NAA15: variants seen among roughly 807,000 people sequenced by gnomAD.
NAA15 encodes N-alpha-acetyltransferase 15, NatA auxiliary subunit.
A neutral mutation model predicts 114.0 loss-of-function variants in NAA15; 34 were observed. The ratio of observed to expected loss-of-function variants is 0.30; its 90% CI spans 0.23 to 0.40. NAA15 has a LOEUF of 0.40. Ranked by LOEUF, NAA15 falls within the 10% of genes least tolerant of loss-of-function variation. The probability of loss-of-function intolerance (pLI) is 1.00; values close to 1 mark genes in which losing one functional copy is unlikely to be tolerated. For missense variants in NAA15, 658 were observed against 1,004.5 expected (o/e 0.66, Z 4.66); for synonymous variants, 340 against 338.0 (o/e 1.01, Z -0.06).
intron 1 of NAA15, among the ~76,000 whole-genome samples, chr4:139,323,983 A>G (rs1308905525): frequency 1.3e-5 from 2 of 152,132 alleles, no homozygotes; most frequent in Admixed American, 6.5e-5. Flanking sequence ...TCCCAGATTC[A>G]TGCAATCCTC....
At chr4:139,361,636 A>C in intron 13 of NAA15, 88 bp from the exon 14 acceptor site, 1 of 774,728 alleles carries the variant, frequency 1.3e-6, no homozygotes, top group Non-Finnish European at 2.0e-6. Context: ...TTTCATGCCA[A>C]AGTAACAAGT....
At chr4:139,324,581 A>G (rs1282662058) in intron 1 of NAA15, among the ~76,000 whole-genome samples, 2 of 152,344 alleles carry the variant, frequency 1.3e-5, no homozygotes, top group South Asian at 2.1e-4. Context: ...AAAGTATACC[A>G]TATGTAGTAT....
chr4:139,369,567 G>A (rs1344866996), intron 14 of NAA15, among the ~76,000 whole-genome samples: 2 of 151,874 alleles, frequency 1.3e-5, no homozygotes, highest in African/African-American at 2.4e-5. Flanking sequence ...GTGAAACCCC[G>A]TCTCTACTAA....
intron 18 of NAA15, 78 bp from the exon 19 acceptor site, chr4:139,386,055 G>A: frequency 2.8e-6 from 2 of 718,020 alleles, no homozygotes; most frequent in Non-Finnish European, 2.4e-6. Flanking sequence ...TATCTTGTTT[G>A]CCTTTTATAT....
chr4:139,380,756 G>C (rs1392778564), intron 17 of NAA15, among the ~76,000 whole-genome samples: 4 of 152,126 alleles, frequency 2.6e-5, no homozygotes, highest in Non-Finnish European at 5.9e-5. Context: ...GTAAAGATCT[G>C]TCTCTTAAAA....
chr4:139,379,464 A>G (rs1440573259), intron 17 of NAA15: 1 of 152,246 alleles, frequency 6.6e-6, no homozygotes, highest in Non-Finnish European at 1.5e-5. Context: ...TATTCTAGGT[A>G]ACAGATAGAA....
chr4:139,335,995 G>C (rs1747189567), intron 2 of NAA15, among the ~76,000 whole-genome samples: 2 of 152,122 alleles, frequency 1.3e-5, no homozygotes, highest in Admixed American at 6.6e-5. Flanking sequence ...CTGACCTCAA[G>C]TGATCTGCCC....
At chr4:139,311,672 A>G (rs550404300) in intron 1 of NAA15, among the ~76,000 whole-genome samples, 2 of 152,102 alleles carry the variant, frequency 1.3e-5, no homozygotes, top group South Asian at 4.1e-4. Flanking sequence ...CTGCTGTATT[A>G]GAATCTTCAG....
At chr4:139,326,848 A>G (rs1334494229) in intron 1 of NAA15, among the ~76,000 whole-genome samples, 3 of 152,376 alleles carry the variant, frequency 2.0e-5, no homozygotes, top group East Asian at 3.8e-4. Flanking sequence ...AAAAGAGACT[A>G]TAAGTTAGTA....
chr4:139,385,081 T>A (rs1260085359), intron 18 of NAA15, 103 bp downstream of exon 18: 2 of 997,526 alleles, frequency 2.0e-6, no homozygotes, highest in Admixed American at 3.2e-5. Flanking sequence ...AGAGGCAGTG[T>A]GTATATGTTA....
intron 1 of NAA15, among the ~76,000 whole-genome samples, chr4:139,331,197 C>G (rs891110611): frequency 1.3e-5 from 2 of 152,050 alleles, no homozygotes; most frequent in Admixed American, 6.6e-5. Context: ...AAATAATGTT[C>G]CCTATTTTCT....
At chr4:139,356,018 T>C (rs1747938345) in intron 10 of NAA15, among the ~76,000 whole-genome samples, 1 of 152,228 alleles carries the variant, frequency 6.6e-6, no homozygotes, top group Non-Finnish European at 1.5e-5. Flanking sequence ...AAAATTTCTT[T>C]ACCAGTTTTC....
At chr4:139,324,995 C>T (rs1746745845) in intron 1 of NAA15, among the ~76,000 whole-genome samples, 1 of 152,072 alleles carries the variant, frequency 6.6e-6, no homozygotes, top group African/African-American at 2.4e-5. Flanking sequence ...TCAATAAGGA[C>T]ATAGCTGAAT....
chr4:139,363,214 C>T (rs1560975128), intron 14 of NAA15, among the ~76,000 whole-genome samples: 1 of 152,010 alleles, frequency 6.6e-6, no homozygotes, highest in Non-Finnish European at 1.5e-5. Context: ...CTTCTGCCTC[C>T]CTCCTTCTCT....
Position 139,384,892 on chromosome 4 carries a change from A to G in NAA15, c.2216A>G (p.Asn739Ser). The G allele has an allele frequency of 3.9e-6, 6 of 1,553,794 alleles. No individual in the cohort carries two copies. Among genetic ancestry groups the G allele is most frequent in the Non-Finnish European group, 4.4e-6 (5 of 1,147,800 alleles). ...TVRTVLKQEM[N>S]RLFGATNPKN... ...AGAACAGTATTAAAACAAGAAATGA[A>G]TCGTCTTTTTGGAGCAACGAATCCA... The change falls in exon 18 of 20, where the codon AAT becomes AGT. Residue 739 changes from asparagine (N) to serine (S), a missense_variant. Asn to Ser is a conservative substitution (Grantham distance 46, BLOSUM62 1). Around this residue, in one of 6 missense-constraint regions of NAA15, gnomAD observed 275 missense variants for 371.1 expected, o/e 0.74. Coordinates refer to ENST00000296543, the MANE Select transcript of NAA15 (RefSeq NM_057175.5).
intron 1 of NAA15, among the ~76,000 whole-genome samples, chr4:139,309,558 T>C (rs1365404332): frequency 6.6e-6 from 1 of 151,866 alleles, no homozygotes; most frequent in Admixed American, 6.6e-5. Flanking sequence ...TTATGGTACA[T>C]GCTACTGCGC....
At chr4:139,347,829 G>A (rs1297853123) in intron 6 of NAA15, among the ~76,000 whole-genome samples, 5 of 148,980 alleles carry the variant, frequency 3.4e-5, no homozygotes, top group African/African-American at 4.9e-5. Flanking sequence ...TCAGGAGATC[G>A]AGACCATCCT....
intron 17 of NAA15, 81 bp downstream of exon 17, chr4:139,378,935 A>G (rs927901250): frequency 5.9e-6 from 5 of 847,236 alleles, no homozygotes; most frequent in African/African-American, 3.6e-5. Context: ...CAAGTTTATC[A>G]TAAACCAAAT....
intron 18 of NAA15, among the ~76,000 whole-genome samples, chr4:139,385,284 A>ATATATATATATATATAATATAT (rs1748872072): frequency 4.2e-5 from 2 of 47,316 alleles, no homozygotes; most frequent in African/African-American, 2.6e-4. Context: ...TATATATATA[A>ATATATATATATATATAATATAT]TATATATATA....
Sources: allele counts gnomAD v4.1 joint callset (sites outside exome capture counted in the v4.1 genomes callset), GRCh38; gene constraint gnomAD v4.1.1; regional missense constraint gnomAD v4.1.1; transcripts MANE v1.5; gene names NCBI Gene and HGNC (gene_info 2026-07-23, HGNC 2026-07-21).